The following VGLL4 variants were observed in gnomAD, a reference collection of about 807,000 sequenced individuals.
The protein encoded by VGLL4 is vestigial like family member 4.
VGLL4 carries 7 observed loss-of-function variants against 21.0 expected under a neutral mutation model. The ratio of observed to expected loss-of-function variants is 0.33; its 90% CI spans 0.19 to 0.63. The LOEUF is 0.63. Among genes scored for constraint, VGLL4 ranks in the 20% least tolerant of loss-of-function variants. The pLI is 0.78. For synonymous variants in VGLL4, 222 were observed against 173.2 expected (o/e 1.28, Z -2.21); for missense variants, 394 against 425.7 (o/e 0.93, Z 0.66).
chr3:11,623,008 G>A (rs1387688052), intron 1 of VGLL4, among the ~76,000 whole-genome samples: 2 of 152,104 alleles, frequency 1.3e-5, no homozygotes, highest in Admixed American at 6.5e-5. Flanking sequence ...AATAGCTGAG[G>A]TAGCAACCTT....
At chr3:11,670,504 T>C (rs2076191762) in intron 2 of VGLL4, among the ~76,000 whole-genome samples, 1 of 152,184 alleles carries the variant, frequency 6.6e-6, no homozygotes, top group African/African-American at 2.4e-5. Flanking sequence ...ACTTAAGATT[T>C]GATTGAATGA....
At position 11,558,274 on chromosome 3, in the gene VGLL4, C is replaced by G; in HGVS notation, c.*282G>C. On this transcript the variant is annotated 3_prime_UTR_variant, in exon 5 of 5. Coordinates refer to ENST00000430365, the MANE Select transcript of VGLL4 (RefSeq NM_001128219.3). ...TCCTGGCCCCGTCGGGGCAGCAGAC[C>G]TGCATCAGAGGTTTCTTTGGTAACT... 1.9e-6 allele frequency: 1 copy of G among 524,354 alleles called. No individual in the cohort carries two copies. Among genetic ancestry groups the G allele is most frequent in the Admixed American group, 3.3e-5 (1 of 29,906 alleles). The allele number at this position is 524,354 out of a possible 1,614,324, so 32.5% of individuals were successfully genotyped here. A position where few individuals can be genotyped will look rare whatever the true frequency, so the allele number is the denominator to read the frequency against.
upstream of VGLL4, among the ~76,000 whole-genome samples, chr3:11,647,988 A>AC (rs1228427933): frequency 6.0e-4 from 40 of 66,726 alleles, no homozygotes; most frequent in African/African-American, 3.1e-3. Context: ...CAGCTCATCC[A>AC]TAAAAAAAAA....
intron 2 of VGLL4, among the ~76,000 whole-genome samples, chr3:11,698,567 G>A (rs1229172633): frequency 6.6e-6 from 1 of 152,156 alleles, no homozygotes; most frequent in African/African-American, 2.4e-5. Flanking sequence ...ACCAATCACT[G>A]AAAGGAGAGG....
rs1657065485 is a variant in VGLL4 at position 11,643,723 on chromosome 3, G to C, written c.-205C>G. On this transcript the variant is annotated 5_prime_UTR_variant, in exon 1 of 5. Coordinates refer to ENST00000430365, the MANE Select transcript of VGLL4 (RefSeq NM_001128219.3). ...TCGAGCTCACACGAAACCCTTCAAGGGCTTACTGGTAGACGGTGTATGTAC... is the reference window on the plus strand; with the variant it reads ...TCGAGCTCACACGAAACCCTTCAAGCGCTTACTGGTAGACGGTGTATGTAC... 3.6e-6 allele frequency: 5 copies of C among 1,404,596 alleles called. No individual in the cohort carries two copies. The highest frequency in any genetic ancestry group is 2.8e-6 in the Non-Finnish European group (3 of 1,083,364). The allele number at this position is 1,404,596 out of a possible 1,614,324, so 87.0% of individuals were successfully genotyped here.
chr3:11,646,335 C>T (rs911731958), upstream of VGLL4, among the ~76,000 whole-genome samples: 3 of 152,162 alleles, frequency 2.0e-5, no homozygotes, highest in Admixed American at 6.5e-5. Context: ...TACTGTGCTA[C>T]GTTTTTACAT....
intron 2 of VGLL4, among the ~76,000 whole-genome samples, chr3:11,657,864 G>A (rs970518951): frequency 6.6e-6 from 1 of 152,118 alleles, no homozygotes; most frequent in African/African-American, 2.4e-5. Flanking sequence ...CAATTTACAT[G>A]GTATCTACAT....
intron 1 of VGLL4, chr3:11,703,069 G>A (rs1176696948): frequency 6.6e-7 from 1 of 1,513,122 alleles, no homozygotes; most frequent in East Asian, 2.3e-5. Flanking sequence ...AAATAAAAGG[G>A]GAAAAAATAA....
chr3:11,610,407 C>T (rs985559060), intron 1 of VGLL4: 1 of 152,194 alleles, frequency 6.6e-6, no homozygotes, highest in Non-Finnish European at 1.5e-5. Flanking sequence ...CAATGCGAGC[C>T]GGCAGATAAA....
At chr3:11,626,950 CTGGGGG>C (rs773807985) in intron 1 of VGLL4, among the ~76,000 whole-genome samples, 1 of 44,460 alleles carries the variant, frequency 2.2e-5, no homozygotes, top group Non-Finnish European at 4.1e-5. Context: ...GATAGGGTGG[CTGGGGG>C]TGGGGGTGGG....
At chr3:11,695,677 G>T (rs1412690388) in intron 2 of VGLL4, among the ~76,000 whole-genome samples, 2 of 152,118 alleles carry the variant, frequency 1.3e-5, no homozygotes. Context: ...GATTCGTGTG[G>T]GGAAAGGGAC....
intron 2 of VGLL4, among the ~76,000 whole-genome samples, chr3:11,661,044 TG>T (rs554463989): frequency 8.1e-4 from 124 of 152,256 alleles, no homozygotes; most frequent in African/African-American, 2.8e-3. Context: ...TTTACAAAAC[TG>T]AACACTACCC....
At chr3:11,662,418 G>A (rs2076050712) in intron 2 of VGLL4, among the ~76,000 whole-genome samples, 1 of 152,162 alleles carries the variant, frequency 6.6e-6, no homozygotes, top group Admixed American at 6.5e-5. Context: ...ACATTGGGAA[G>A]GCAAACAACT....
At chr3:11,636,241 T>C (rs1258888190) in intron 1 of VGLL4, among the ~76,000 whole-genome samples, 4 of 152,192 alleles carry the variant, frequency 2.6e-5, no homozygotes, top group Admixed American at 2.6e-4. Flanking sequence ...TTATGGGTAG[T>C]GTAAACATCT....
intron 1 of VGLL4, among the ~76,000 whole-genome samples, chr3:11,619,292 C>G (rs2437689): frequency 6.6e-6 from 1 of 151,930 alleles, no homozygotes; most frequent in Non-Finnish European, 1.5e-5. Flanking sequence ...ATACCAATCA[C>G]GAAAAATAGA....
chr3:11,572,683 T>C (rs957681669), intron 2 of VGLL4, among the ~76,000 whole-genome samples: 4 of 152,192 alleles, frequency 2.6e-5, no homozygotes, highest in Non-Finnish European at 5.9e-5. Flanking sequence ...GCACACTGTA[T>C]GTCTTGTTGT....
intron 1 of VGLL4, among the ~76,000 whole-genome samples, chr3:11,622,906 G>A (rs1464457734): frequency 6.6e-6 from 1 of 152,166 alleles, no homozygotes; most frequent in Non-Finnish European, 1.5e-5. Flanking sequence ...ACCTGGAAAG[G>A]CTCTTGTATT....
At chr3:11,712,467 G>T (rs1341591944) in intron 1 of VGLL4, among the ~76,000 whole-genome samples, 1 of 152,078 alleles carries the variant, frequency 6.6e-6, no homozygotes, top group East Asian at 1.9e-4. Context: ...TAGCATACAT[G>T]TTTTCAAAAT....
chr3:11,659,700 A>G (rs2076011959), intron 2 of VGLL4, among the ~76,000 whole-genome samples: 1 of 152,070 alleles, frequency 6.6e-6, no homozygotes, highest in African/African-American at 2.4e-5. Flanking sequence ...GGCCCTTAAA[A>G]GAACAAGATC....
Sources: allele counts gnomAD v4.1 joint callset (sites outside exome capture counted in the v4.1 genomes callset), GRCh38; gene constraint gnomAD v4.1.1; transcripts MANE v1.5; gene names NCBI Gene and HGNC (gene_info 2026-07-23, HGNC 2026-07-21).